The following ARHGAP17 variants were observed in gnomAD, a reference collection of about 807,000 sequenced individuals.
ARHGAP17 encodes rho GTPase-activating protein 17.
Under a neutral mutation model 99.5 loss-of-function variants are expected in ARHGAP17, and 57 were observed. The observed-to-expected ratio is 0.57, with a 90% CI of 0.46 to 0.71. The LOEUF is 0.71. Among genes scored for constraint, ARHGAP17 ranks in the 30% least tolerant of loss-of-function variants. The pLI is 0.00. For missense variants in ARHGAP17, 1,000 were observed against 1,122.4 expected (o/e 0.89, Z 1.56); for synonymous variants, 417 against 429.6 (o/e 0.97, Z 0.36).
At chr16:24,964,453 A>G (rs2052111652) in intron 6 of ARHGAP17, 145 bp from the exon 7 acceptor site, 1 of 632,368 alleles carries the variant, frequency 1.6e-6, no homozygotes, top group Non-Finnish European at 2.8e-6. Context: ...AATTCTCTTG[A>G]GCTTATTCTC....
intron 1 of ARHGAP17, among the ~76,000 whole-genome samples, chr16:24,987,152 C>G (rs976819800): frequency 2.6e-5 from 4 of 152,198 alleles, no homozygotes; most frequent in Admixed American, 6.5e-5. Flanking sequence ...TATGTAATGA[C>G]TCAGCTTGCC....
intron 19 of ARHGAP17, among the ~76,000 whole-genome samples, chr16:24,930,307 T>C (rs922368074): frequency 1.3e-5 from 2 of 152,252 alleles, no homozygotes; most frequent in Admixed American, 6.5e-5. Context: ...CTGTACTTAA[T>C]ATGAACACTT....
At chr16:24,924,643 A>G (rs1050382998) in intron 19 of ARHGAP17, among the ~76,000 whole-genome samples, 1 of 151,980 alleles carries the variant, frequency 6.6e-6, no homozygotes, top group African/African-American at 2.4e-5. Flanking sequence ...CAGGCAGATC[A>G]CCTGAGGTCA....
chr16:24,951,021 G>A (rs916326743), intron 12 of ARHGAP17, among the ~76,000 whole-genome samples: 6 of 152,088 alleles, frequency 3.9e-5, no homozygotes, highest in African/African-American at 1.2e-4. Flanking sequence ...ACAGAGGTGA[G>A]ATTTGTTCCT....
At chr16:24,957,020 T>A (rs1354488797) in intron 9 of ARHGAP17, 1 of 152,166 alleles carries the variant, frequency 6.6e-6, no homozygotes, top group Non-Finnish European at 1.5e-5. Flanking sequence ...TCAGGAATTG[T>A]GAGTCTGGGA....
At chr16:24,968,503 T>C in intron 5 of ARHGAP17, 76 bp from the exon 6 acceptor site, 1 of 1,580,508 alleles carries the variant, frequency 6.3e-7, no homozygotes, top group Admixed American at 1.7e-5. Context: ...TTACAAACGT[T>C]TTTTCTCTAA....
chr16:24,960,374 G>A (rs541492189), intron 7 of ARHGAP17, among the ~76,000 whole-genome samples: 19 of 152,098 alleles, frequency 1.2e-4, no homozygotes, highest in African/African-American at 2.4e-4. Context: ...GTGAAACCCC[G>A]TCTCTACTAA....
chr16:24,953,032 C>T lies in ARHGAP17; in HGVS notation c.863G>A (p.Arg288Gln). ...ETGMKEEGLF[R>Q]IGAGASKLKK... ...TAACTTGGAGGCCCCAGCCCCAATT[C>T]GGAAAAGGCCCTAAAGATAATGAAA... Residue 288 changes from arginine (R) to glutamine (Q), a missense_variant, in exon 11 of 20, where the codon CGA (arginine) becomes CAA (glutamine). By Grantham distance (43) the Arg-to-Gln change is conservative. Coordinates refer to ENST00000289968, the MANE Select transcript of ARHGAP17 (RefSeq NM_001006634.3). The T allele has an allele frequency of 6.2e-7, 1 of 1,614,130 alleles. No individual in the cohort carries two copies. Among genetic ancestry groups the T allele is most frequent in the Non-Finnish European group, 8.5e-7 (1 of 1,180,006 alleles).
At chr16:25,005,810 T>C (rs1239556777) in intron 1 of ARHGAP17, among the ~76,000 whole-genome samples, 2 of 152,230 alleles carry the variant, frequency 1.3e-5, no homozygotes, top group Non-Finnish European at 2.9e-5. Context: ...CAATATCTAA[T>C]GCAACTAAGG....
At chr16:24,921,841 C>T (rs952311852) in intron 19 of ARHGAP17, among the ~76,000 whole-genome samples, 2 of 152,184 alleles carry the variant, frequency 1.3e-5, no homozygotes, top group African/African-American at 4.8e-5. Flanking sequence ...CAGAACTGCA[C>T]CAGCCTATGG....
At chr16:24,957,630 C>T (rs574065870) in intron 9 of ARHGAP17, 1 of 152,424 alleles carries the variant, frequency 6.6e-6, no homozygotes, top group East Asian at 1.9e-4. Context: ...CGGGTGGTTG[C>T]TGGTCCTTTG....
Position 24,972,142 on chromosome 16 carries a change from C to A in ARHGAP17, c.199-1562G>T, listed in dbSNP as rs76461264. On this transcript the variant is annotated intron_variant, in intron 3 of 19. Transcript: ENST00000289968. ...CAAAGGGCTCCATCTGATACAATCA[C>A]ATATGCACTGGCTTGTACTGGACAG... 2.2e-3 allele frequency among the ~76,000 whole-genome samples: 336 copies of A among 152,336 alleles called. 3 individuals are homozygous for A. Among genetic ancestry groups the A allele is most frequent in the African/African-American group, 7.8e-3 (324 of 41,580 alleles).
At position 24,942,118 on chromosome 16, in the gene ARHGAP17, T is replaced by C; in HGVS notation, c.1359A>G (p.Ala453=). The C allele has an allele frequency of 2.8e-6, 4 of 1,446,598 alleles. No homozygotes were observed. Among genetic ancestry groups the C allele is most frequent in the Non-Finnish European group, 3.7e-6 (4 of 1,073,684 alleles). 89.6% of individuals were successfully genotyped at this position (1,446,598 alleles called of 1,614,324 possible). A position where few individuals can be genotyped will look rare whatever the true frequency, so the allele number is the denominator to read the frequency against. The change falls in exon 16 of 20, where the codon GCA becomes GCG. Residue 453 remains alanine, a synonymous_variant. Coordinates refer to ENST00000289968, the MANE Select transcript of ARHGAP17 (RefSeq NM_001006634.3). The part of the protein sequence containing the change: ...PEEVEFNVSE[A]FVPLTTPSSN... ...AACTCGGGGTGGTGAGAGGTACAAA[T>C]GCTTCTGATACATTAAATTCCACCT...
At chr16:24,932,189 T>C (rs1480786461) in intron 18 of ARHGAP17, among the ~76,000 whole-genome samples, 12 of 151,936 alleles carry the variant, frequency 7.9e-5, no homozygotes, top group Non-Finnish European at 1.5e-5. Context: ...GCCATGGTCA[T>C]GTAACACATT....
intron 18 of ARHGAP17, among the ~76,000 whole-genome samples, chr16:24,933,737 C>A (rs2051057217): frequency 1.4e-5 from 2 of 146,304 alleles, no homozygotes; most frequent in South Asian, 4.3e-4. Context: ...AGCGTGGGAG[C>A]AAAGTGTCAG....
chr16:24,955,548 C>T lies in ARHGAP17; in HGVS notation c.725-818G>A, dbSNP rs559353399. The T allele has an allele frequency of 1.3e-5, 2 of 152,370 alleles. No homozygotes were observed. The highest frequency in any genetic ancestry group is 4.8e-5 in the African/African-American group (2 of 41,580). The allele number at this position is 152,370 out of a possible 1,614,324, so 9.4% of individuals were successfully genotyped here. ...GCCTGCCTGTGCAAGCTGCAGAGAT[C>T]TAGTGCTATCTGAGCAGCTCGCAGA... On this transcript the variant is annotated intron_variant, in intron 9 of 19. Transcript: ENST00000289968. This position sits in a 1 kb window ranked among gnomAD's most constrained non-coding sequence, Gnocchi z 4.0.
intron 11 of ARHGAP17, 124 bp downstream of exon 11, chr16:24,952,807 G>T: frequency 1.3e-6 from 1 of 780,782 alleles, no homozygotes; most frequent in Non-Finnish European, 2.2e-6. Context: ...TGTAGCAAGA[G>T]CCACTTCGGT....
intron 19 of ARHGAP17, among the ~76,000 whole-genome samples, chr16:24,929,373 C>A (rs1380836334): frequency 6.6e-6 from 1 of 152,166 alleles, no homozygotes; most frequent in Non-Finnish European, 1.5e-5. Context: ...TGAAATCAGG[C>A]TCTTGATCTA....
chr16:24,921,888 C>CATT (rs1461719253), intron 19 of ARHGAP17, among the ~76,000 whole-genome samples: 1 of 152,236 alleles, frequency 6.6e-6, no homozygotes, highest in African/African-American at 2.4e-5. Context: ...AGAATAGGGG[C>CATT]TGTCTTGGAT....
Sources: allele counts gnomAD v4.1 joint callset (sites outside exome capture counted in the v4.1 genomes callset), GRCh38; gene constraint gnomAD v4.1.1; non-coding constraint Gnocchi (gnomAD v3.1); transcripts MANE v1.5; gene names NCBI Gene and HGNC (gene_info 2026-07-23, HGNC 2026-07-21).